The following ASB18 variants were observed in gnomAD, a reference collection of about 807,000 sequenced individuals.
ASB18 encodes ankyrin repeat and SOCS box containing 18, also known as ankyrin repeat and SOCS box protein 18.
Under a neutral mutation model 33.4 loss-of-function variants are expected in ASB18, and 33 were observed. The observed-to-expected ratio is 0.99, with a 90% CI of 0.75 to 1.32. The LOEUF (loss-of-function observed/expected upper bound fraction) is 1.32. Ranked by LOEUF, ASB18 falls within the 40% of genes most tolerant of loss-of-function variation. ASB18 has a pLI of 0.00. For missense variants in ASB18, 694 were observed against 655.5 expected (o/e 1.06, Z -0.64); for synonymous variants, 295 against 307.6 (o/e 0.96, Z 0.43).
chr2:236,237,897 G>C lies in ASB18; in HGVS notation c.388C>G (p.His130Asp). The change falls in exon 3 of 6, where the codon CAC becomes GAC. Residue 130 changes from histidine to aspartate, a missense_variant. Transcript: ENST00000409749. The surrounding 1 kb of genome is among the most constrained non-coding windows in gnomAD (Gnocchi z 6.2). ...TGTCGCACGCAGGCGGTGTGGCCGT[G>C]GGCCGCGGCGATGCACAGGGGCGTG... is the stretch of plus-strand genomic sequence containing the variant. Reference protein sequence around the residue: ...LTTPLCIAAAHGHTACVRHLL... With the variant: ...LTTPLCIAAADGHTACVRHLL... The C allele has an allele frequency of 6.7e-7, 1 of 1,500,920 alleles. No homozygotes were observed. The highest frequency in any genetic ancestry group is 8.8e-7 in the Non-Finnish European group (1 of 1,131,914). 93.0% of individuals were successfully genotyped at this position (1,500,920 alleles called of 1,614,324 possible).
chr2:236,217,424 A>ATAAAAAAAAT lies in ASB18; in HGVS notation c.597-2559_597-2558insATTTTTTTTA, dbSNP rs111975448. On this transcript the variant is annotated intron_variant, in intron 3 of 5. Transcript: ENST00000409749. This position sits in a 1 kb window ranked among gnomAD's most constrained non-coding sequence, Gnocchi z 5.2. Reference sequence around the variant, plus strand: ...CGAGACTCTGTCTCAAAAAAAAAAAAAAATAAATCTTGGCACCTTCAACTC... The same window carrying ATAAAAAAAAT: ...CGAGACTCTGTCTCAAAAAAAAAAAATAAAAAAAATAAATAAATCTTGGCACCTTCAACTC... Among the ~76,000 whole-genome samples, 4 of 150,306 alleles carry ATAAAAAAAAT rather than the reference A, an allele frequency of 2.7e-5. No individual in the cohort carries two copies. Among genetic ancestry groups the ATAAAAAAAAT allele is most frequent in the African/African-American group, 9.9e-5 (4 of 40,404 alleles).
At chr2:236,243,489 A>G (rs1019787634) in intron 1 of ASB18, among the ~76,000 whole-genome samples, 1 of 151,936 alleles carries the variant, frequency 6.6e-6, no homozygotes, top group Non-Finnish European at 1.5e-5. Context: ...CACCCTGAGG[A>G]TGTGTGAAGG....
chr2:236,218,105 C>A (rs2060496039), intron 3 of ASB18, among the ~76,000 whole-genome samples: 1 of 152,270 alleles, frequency 6.6e-6, no homozygotes, highest in African/African-American at 2.4e-5. Context: ...TGGGTAATGG[C>A]CAGGCTTTTC....
intron 4 of ASB18, among the ~76,000 whole-genome samples, chr2:236,199,327 G>A (rs957017242): frequency 2.7e-5 from 4 of 150,810 alleles, no homozygotes; most frequent in African/African-American, 9.8e-5. Flanking sequence ...CAGGAGAATC[G>A]CTTGAACCCG....
At position 236,221,574 on chromosome 2, in the gene ASB18, T is replaced by G. The variant is rs2060513270; in HGVS notation, c.597-6708A>C. Reference sequence around the variant, plus strand: ...CTCATTCTCTCTCTTGCTGCTGCCTTTCACCTTCCACCTCCCCAGCCACAT... The same window carrying G: ...CTCATTCTCTCTCTTGCTGCTGCCTGTCACCTTCCACCTCCCCAGCCACAT... On this transcript the variant is annotated intron_variant, in intron 3 of 5. Coordinates refer to ENST00000409749, the MANE Select transcript of ASB18 (RefSeq NM_212556.4). The surrounding 1 kb of genome is among the most constrained non-coding windows in gnomAD (Gnocchi z 5.6). Among the ~76,000 whole-genome samples the G allele has an allele frequency of 6.6e-6, 1 of 152,156 alleles. No individual in the cohort carries two copies. The highest frequency in any genetic ancestry group is 2.4e-5 in the African/African-American group (1 of 41,416).
At chr2:236,254,711 C>A (rs1052416772) in intron 1 of ASB18, among the ~76,000 whole-genome samples, 1 of 151,962 alleles carries the variant, frequency 6.6e-6, no homozygotes, top group African/African-American at 2.4e-5. Context: ...TGTCTTCTGT[C>A]CTCTTCCATC....
rs2060622374 is a variant in ASB18 at position 236,241,794 on chromosome 2, C to A, written c.206-392G>T. 6.6e-6 allele frequency among the ~76,000 whole-genome samples: 1 copy of A among 152,160 alleles called. No individual in the cohort carries two copies. The highest frequency in any genetic ancestry group is 2.4e-5 in the African/African-American group (1 of 41,446). ...ACATCTGGATAGCTCCAAAGCAGCT[C>A]TCCATGCACCGAGGGCAGACTCCCA... On this transcript the variant is annotated intron_variant, in intron 1 of 5. Transcript: ENST00000409749. This position sits in a 1 kb window ranked among gnomAD's most constrained non-coding sequence, Gnocchi z 4.2.
Position 236,264,346 on chromosome 2 carries a change from TGTTACGTC to T in ASB18, c.-9_-2del. 6.2e-7 allele frequency: 1 copy of T among 1,613,882 alleles called. No individual in the cohort carries two copies. The highest frequency in any genetic ancestry group is 2.2e-5 in the East Asian group (1 of 44,876). The stretch of plus-strand genomic sequence containing the variant: ...CGGGAAGGTAATCCGAGTTGGACAT[TGTTACGTC>T]GTTTCTGCAGTGACCAGCCCTTCTT... On this transcript the variant is annotated 5_prime_UTR_variant, in exon 1 of 6. Coordinates refer to ENST00000409749, the MANE Select transcript of ASB18 (RefSeq NM_212556.4). This position sits in a 1 kb window ranked among gnomAD's most constrained non-coding sequence, Gnocchi z 5.1.
chr2:236,240,965 C>G (rs1299368738), intron 2 of ASB18, among the ~76,000 whole-genome samples: 1 of 152,186 alleles, frequency 6.6e-6, no homozygotes, highest in Non-Finnish European at 1.5e-5. Context: ...TCAGCACCCA[C>G]CTCCCTGGCT....
chr2:236,244,104 G>A lies in ASB18; in HGVS notation c.206-2702C>T, dbSNP rs1034363482. Reference sequence around the variant, plus strand: ...GGCCTCCCAAGTGCTGGGATTACAGGTGTGAGCCACCGTGCCCGGCCTGTT... The same window carrying A: ...GGCCTCCCAAGTGCTGGGATTACAGATGTGAGCCACCGTGCCCGGCCTGTT... On this transcript the variant is annotated intron_variant, in intron 1 of 5. Coordinates refer to ENST00000409749, the MANE Select transcript of ASB18 (RefSeq NM_212556.4). The surrounding 1 kb of genome is among the most constrained non-coding windows in gnomAD (Gnocchi z 6.1). 6.6e-6 allele frequency among the ~76,000 whole-genome samples: 1 copy of A among 152,244 alleles called. No individual in the cohort carries two copies. The highest frequency in any genetic ancestry group is 6.5e-5 in the Admixed American group (1 of 15,290).
rs897883843 is a variant in ASB18 at position 236,245,089 on chromosome 2, G to T, written c.206-3687C>A. ...ACATGGGTGAGAGTCAACCTCAGCT[G>T]GGTGTGGGGGGAGACTTGGCCATGA... On this transcript the variant is annotated intron_variant, in intron 1 of 5. Coordinates refer to ENST00000409749, the MANE Select transcript of ASB18 (RefSeq NM_212556.4). This position sits in a 1 kb window ranked among gnomAD's most constrained non-coding sequence, Gnocchi z 4.7. Among the ~76,000 whole-genome samples the T allele has an allele frequency of 1.3e-5, 2 of 152,182 alleles. No homozygotes were observed. Among genetic ancestry groups the T allele is most frequent in the Non-Finnish European group, 2.9e-5 (2 of 68,030 alleles).
At chr2:236,246,249 A>G (rs1401243870) in intron 1 of ASB18, among the ~76,000 whole-genome samples, 1 of 143,088 alleles carries the variant, frequency 7.0e-6, no homozygotes, top group Non-Finnish European at 1.5e-5. Flanking sequence ...GCTTCTGGGG[A>G]GGCTGAGGCA....
Position 236,259,733 on chromosome 2 carries a change from C to A in ASB18, c.205+4408G>T, listed in dbSNP as rs1001613658. 1.3e-4 allele frequency: 48 copies of A among 371,368 alleles called. No individual in the cohort carries two copies. The highest frequency in any genetic ancestry group is 3.3e-5 in the Non-Finnish European group (6 of 181,702). The allele number at this position is 371,368 out of a possible 1,614,324, so 23.0% of individuals were successfully genotyped here. A position where few individuals can be genotyped will look rare whatever the true frequency, so the allele number is the denominator to read the frequency against. ...TCTCAGGTCCATCCTTGCAGGAGAG[C>A]AGGTGCCTTCACAAGGGCACAGGCC... On this transcript the variant is annotated intron_variant, in intron 1 of 5. Transcript: ENST00000409749. The surrounding 1 kb of genome is among the most constrained non-coding windows in gnomAD (Gnocchi z 4.4).
At position 236,237,901 on chromosome 2, in the gene ASB18, C is replaced by G. The variant is rs1359848261; in HGVS notation, c.384G>C (p.Ala128=). 1.3e-6 allele frequency: 2 copies of G among 1,500,716 alleles called. No homozygotes were observed. Among genetic ancestry groups the G allele is most frequent in the South Asian group, 2.4e-5 (2 of 81,680 alleles). 93.0% of individuals were successfully genotyped at this position (1,500,716 alleles called of 1,614,324 possible). A position where few individuals can be genotyped will look rare whatever the true frequency, so the allele number is the denominator to read the frequency against. Residue 128 remains alanine, a synonymous_variant, in exon 3 of 6, where the codon GCG becomes GCC. Transcript: ENST00000409749. The surrounding 1 kb of genome is among the most constrained non-coding windows in gnomAD (Gnocchi z 6.2). ...GCACGCAGGCGGTGTGGCCGTGGGCCGCGGCGATGCACAGGGGCGTGGTGA... is the reference window on the plus strand; with the variant it reads ...GCACGCAGGCGGTGTGGCCGTGGGCGGCGGCGATGCACAGGGGCGTGGTGA... ...RELTTPLCIA[A]AHGHTACVRH... is the part of the protein sequence containing the mutation.
Position 236,239,455 on chromosome 2 carries a change from C to T in ASB18, c.329-1499G>A, listed in dbSNP as rs1436963933. Among the ~76,000 whole-genome samples, 1 of 150,936 alleles carries T rather than the reference C, an allele frequency of 6.6e-6. No homozygotes were observed. The highest frequency in any genetic ancestry group is 2.4e-5 in the African/African-American group (1 of 41,132). On this transcript the variant is annotated intron_variant, in intron 2 of 5. Coordinates refer to ENST00000409749, the MANE Select transcript of ASB18 (RefSeq NM_212556.4). The surrounding 1 kb of genome is among the most constrained non-coding windows in gnomAD (Gnocchi z 5.6). ...AAGTCTGAATCAGCTTTCTGTAACT[C>T]CCGCCCTCTGGTCCCAGTTCTGCCA...
chr2:236,210,211 T>C (rs1169452228), intron 4 of ASB18, among the ~76,000 whole-genome samples: 1 of 152,182 alleles, frequency 6.6e-6, no homozygotes, highest in Non-Finnish European at 1.5e-5. Flanking sequence ...TCCCCCAAAA[T>C]GTTTGTTGAA....
rs968685689 is a variant in ASB18 at position 236,241,089 on chromosome 2, C to G, written c.328+191G>C. The stretch of plus-strand genomic sequence containing the variant: ...CCCACCAATCGCTGCTTTGCCTTTC[C>G]AACTGGATCTCTTATAGGCCATCAC... On this transcript the variant is annotated intron_variant, in intron 2 of 5. Transcript: ENST00000409749. The surrounding 1 kb of genome is among the most constrained non-coding windows in gnomAD (Gnocchi z 4.2). Among the ~76,000 whole-genome samples the G allele has an allele frequency of 6.6e-6, 1 of 152,188 alleles. No individual in the cohort carries two copies. The highest frequency in any genetic ancestry group is 1.5e-5 in the Non-Finnish European group (1 of 68,036).
At position 236,209,929 on chromosome 2, in the gene ASB18, TC is replaced by T. The variant is rs1023672376; in HGVS notation, c.1101+4432del. On this transcript the variant is annotated intron_variant, in intron 4 of 5. Transcript: ENST00000409749. The surrounding 1 kb of genome is among the most constrained non-coding windows in gnomAD (Gnocchi z 4.4). ...CCAGGACGTCTGTCTAGAATGTTTG[TC>T]CCCCGCTTCACAAAGATAAGCCTTC... 6.6e-6 allele frequency among the ~76,000 whole-genome samples: 1 copy of T among 152,164 alleles called. No individual in the cohort carries two copies. The highest frequency in any genetic ancestry group is 2.4e-5 in the African/African-American group (1 of 41,432).
intron 1 of ASB18, chr2:236,247,941 A>T (rs1454518711): frequency 6.6e-6 from 1 of 152,190 alleles, no homozygotes; most frequent in Non-Finnish European, 1.5e-5. Flanking sequence ...TAGAAAACAG[A>T]GTGGAGTCAC....
Sources: allele counts gnomAD v4.1 joint callset (sites outside exome capture counted in the v4.1 genomes callset), GRCh38; gene constraint gnomAD v4.1.1; non-coding constraint Gnocchi (gnomAD v3.1); transcripts MANE v1.5; gene names NCBI Gene and HGNC (gene_info 2026-07-23, HGNC 2026-07-21).